The following MUC12 variants were observed in gnomAD, a reference collection of about 807,000 sequenced individuals.
The protein encoded by MUC12 is mucin-12.
Under a neutral mutation model 230.8 loss-of-function variants are expected in MUC12, and 172 were observed. That is an observed-to-expected ratio of 0.75 (90% confidence interval 0.66 to 0.85). MUC12 has a LOEUF of 0.85. Ranked by LOEUF, MUC12 falls within the 40% of genes least tolerant of loss-of-function variation. The pLI, the probability that MUC12 is intolerant of heterozygous loss-of-function variation, is 0.00. For missense variants in MUC12, 3,506 were observed against 5,920.6 expected, an observed-to-expected ratio of 0.59 and a Z score of 13.38; for synonymous variants, 1,259 against 2,401.9, an observed-to-expected ratio of 0.52 and a Z score of 13.91.
chr7:101,015,572 C>A, intron 9 of MUC12, 43 bp from the exon 10 acceptor site: 1 of 1,520,958 alleles, frequency 6.6e-7, no homozygotes, highest in South Asian at 1.2e-5. Context: ...AGTCCCTCCT[C>A]AGCCTCCTTG....
chr7:100,979,509 CG>C (rs2116273105), intron 1 of MUC12, among the ~76,000 whole-genome samples: 1 of 152,094 alleles, frequency 6.6e-6, no homozygotes, highest in East Asian at 1.9e-4. Flanking sequence ...AGGCAGGGCA[CG>C]GTGGCTCATG....
chr7:100,987,884 T>C (rs1793217870), intron 1 of MUC12, among the ~76,000 whole-genome samples: 2 of 149,934 alleles, frequency 1.3e-5, no homozygotes, highest in South Asian at 4.2e-4. Context: ...GGCAGGAGAA[T>C]CACTTGAACT....
In MUC12 at chr7:100,991,598, A is replaced by G. The variant is rs61745828; in HGVS notation, c.1035A>G (p.Pro345=). ...CAGTTGCAACTGCAACAACACCCCC[A>G]CCTGCCCGCTCCGCGACCTCAGGCC... ...SSPVATATTP[P]PARSATSGHV... The change falls in exon 2 of 12, where the codon CCA becomes CCG. Residue 345 remains proline, a synonymous_variant. Coordinates refer to ENST00000536621, the MANE Select transcript of MUC12 (RefSeq NM_001164462.2). 1,639 of 1,500,510 alleles carry G rather than the reference A, an allele frequency of 1.1e-3. 9 individuals are homozygous for G. Among genetic ancestry groups the G allele is most frequent in the Admixed American group, 3.9e-3 (190 of 48,982 alleles). 92.9% of individuals were successfully genotyped at this position (1,500,510 alleles called of 1,614,324 possible).
At chr7:101,010,277 C>T (rs1793820941) in intron 5 of MUC12, among the ~76,000 whole-genome samples, 1 of 152,002 alleles carries the variant, frequency 6.6e-6, no homozygotes, top group African/African-American at 2.4e-5. Flanking sequence ...TTTCAAGTGC[C>T]CAGGGCCCAG....
chr7:101,012,232 C>T lies in MUC12; in HGVS notation c.15252-64C>T, dbSNP rs187702026. ...TCATCTCCCATTACCACTCTGGGTG[C>T]TTGGGCTCCACTTGCTGGCTGGGTG... On this transcript the variant is annotated intron_variant, in intron 5 of 11. Transcript: ENST00000536621. 6.8e-4 allele frequency: 1,034 copies of T among 1,515,174 alleles called. 10 individuals are homozygous for T. In the South Asian group the frequency reaches 8.3e-3, roughly 12 times the overall value. The allele number at this position is 1,515,174 out of a possible 1,614,324, so 93.9% of individuals were successfully genotyped here.
chr7:100,992,128 C>A lies in MUC12; in HGVS notation c.1565C>A (p.Thr522Asn), dbSNP rs371055512. 69 of 1,537,418 alleles carry A rather than the reference C, an allele frequency of 4.5e-5. No homozygotes were observed. In the African/African-American group the frequency reaches 8.7e-4, roughly 19 times the overall value. ...MTSSGVSEES[T>N]TSHSRPGSTH... ...AGCTCAGGCGTCAGTGAAGAATCCA[C>A]CACCTCCCACAGCCGACCAGGCTCA... Residue 522 changes from threonine to asparagine, a missense_variant, in exon 2 of 12, where the codon ACC (threonine) becomes AAC (asparagine). By Grantham distance (65) the Thr-to-Asn change is moderately conservative. Coordinates refer to ENST00000536621, the MANE Select transcript of MUC12 (RefSeq NM_001164462.2).
rs761584987 is a variant in MUC12 at position 100,992,188 on chromosome 7, T to C, written c.1625T>C (p.Met542Thr). The change falls in exon 2 of 12, where the codon ATG becomes ACG. Residue 542 changes from methionine to threonine, a missense_variant. Coordinates refer to ENST00000536621, the MANE Select transcript of MUC12 (RefSeq NM_001164462.2). Reference protein sequence around the residue: ...HTTAFPGSTTMPGLSQESTAS... With the variant: ...HTTAFPGSTTTPGLSQESTAS... ...ACAGCATTCCCTGGCAGTACCACCA[T>C]GCCAGGCCTCAGTCAGGAATCTACA... is the stretch of plus-strand genomic sequence containing the variant. The C allele has an allele frequency of 1.9e-5, 29 of 1,537,596 alleles. No individual in the cohort carries two copies. Among genetic ancestry groups the C allele is most frequent in the East Asian group, 2.4e-5 (1 of 40,930 alleles).
intron 3 of MUC12, 145 bp from the exon 4 acceptor site, chr7:101,008,489 G>A: frequency 8.7e-7 from 1 of 1,151,960 alleles, no homozygotes; most frequent in Non-Finnish European, 1.2e-6. Flanking sequence ...GGCTCCTCAG[G>A]GTTTTGGGAG....
intron 1 of MUC12, among the ~76,000 whole-genome samples, chr7:100,986,640 T>G (rs1419549701): frequency 6.6e-6 from 1 of 152,204 alleles, no homozygotes; most frequent in Non-Finnish European, 1.5e-5. Context: ...TGACTGTGTG[T>G]CTTTTTCATG....
chr7:100,984,761 A>G (rs1308944588), intron 1 of MUC12, among the ~76,000 whole-genome samples: 1 of 152,196 alleles, frequency 6.6e-6, no homozygotes, highest in African/African-American at 2.4e-5. Context: ...TGAGCTGATT[A>G]TGATACAGGG....
intron 1 of MUC12, among the ~76,000 whole-genome samples, chr7:100,987,045 A>G (rs1181937407): frequency 6.8e-6 from 1 of 147,108 alleles, no homozygotes; most frequent in African/African-American, 2.5e-5. Flanking sequence ...CCTCCAGTCC[A>G]GGGCCAAGAT....
chr7:101,009,957 T>C lies in MUC12; in HGVS notation c.15251+798T>C, dbSNP rs552342591. ...TAGACCCATGAGGGATAGTGTCTGG[T>C]CTGCAGAGTAGATAGCTCAGTCTGG... On this transcript the variant is annotated intron_variant, in intron 5 of 11. Coordinates refer to ENST00000536621, the MANE Select transcript of MUC12 (RefSeq NM_001164462.2). 1.5e-3 allele frequency among the ~76,000 whole-genome samples: 227 copies of C among 152,348 alleles called. 3 individuals carry two copies. The South Asian group carries it at 0.023, about 15-fold the overall frequency.
rs531070523 is a variant in MUC12, at chr7:100,987,399, T to C, written c.68-3232T>C. ...TGATTTTTTTTACAGTTGTAGCCCT[T>C]TGAGTGGGCCTGAACCAGGGTGCAG... On this transcript the variant is annotated intron_variant, in intron 1 of 11. Transcript: ENST00000536621. Among the ~76,000 whole-genome samples, 31 of 152,124 alleles carry C rather than the reference T, an allele frequency of 2.0e-4. 1 individual carries two copies. In the South Asian group the frequency reaches 6.4e-3, roughly 32 times the overall value.
In MUC12 at chr7:100,987,060, G is replaced by GTTTTTT. The variant is rs1176844989; in HGVS notation, c.68-3552_68-3547dup. On this transcript the variant is annotated intron_variant, in intron 1 of 11. Transcript: ENST00000536621. ...CCTCCAGTCCAGGGCCAAGATAATG[G>GTTTTTT]TTTTTTTTTTTTTTTTTTTTTTTTG... is the stretch of plus-strand genomic sequence containing the variant. 4.5e-3 allele frequency among the ~76,000 whole-genome samples: 415 copies of GTTTTTT among 91,324 alleles called. 25 individuals are homozygous for GTTTTTT. Among genetic ancestry groups the GTTTTTT allele is most frequent in the African/African-American group, 0.017 (375 of 22,482 alleles). 59.9% of individuals were successfully genotyped at this position (91,324 alleles called of 152,430 possible).
At position 100,991,225 on chromosome 7, in the gene MUC12, C is replaced by A. The variant is rs1562781732; in HGVS notation, c.662C>A (p.Ser221Tyr). ...ACACCATCATCCCTTGGTCCAGAAT[C>A]TACTACCTTCCACAGCAGCCCAGGC... ...TTTPSSLGPE[S>Y]TTFHSSPGYT... Residue 221 changes from serine to tyrosine, a missense_variant, in exon 2 of 12, where the codon TCT (serine) becomes TAT (tyrosine). Physicochemically the swap from Ser to Tyr is moderately radical, Grantham distance 144 (BLOSUM62 -2). Transcript: ENST00000536621. 6.5e-7 allele frequency: 1 copy of A among 1,537,748 alleles called. No homozygotes were observed. The highest frequency in any genetic ancestry group is 1.2e-5 in the South Asian group (1 of 84,046).
intron 9 of MUC12, among the ~76,000 whole-genome samples, chr7:101,014,890 C>T (rs1364500027): frequency 6.6e-6 from 1 of 152,112 alleles, no homozygotes. Flanking sequence ...TCAAGCAGTC[C>T]TCTCACCTCA....
intron 11 of MUC12, 127 bp from the exon 12 acceptor site, chr7:101,018,468 C>T: frequency 1.5e-6 from 1 of 660,206 alleles, no homozygotes; most frequent in Non-Finnish European, 2.5e-6. Context: ...GGACTCCCTC[C>T]CTCCCCCTGG....
rs186273734 is a variant in MUC12, at chr7:100,991,266, C to T, written c.703C>T (p.Arg235Cys). ...HSSPGYTKTTRLPDNTTTSGL... is the reference protein window; with the variant it reads ...HSSPGYTKTTCLPDNTTTSGL... The stretch of plus-strand genomic sequence containing the variant: ...CAGCCCAGGCTACACTAAAACAACA[C>T]GCTTACCTGACAACACCACAACCTC... The change falls in exon 2 of 12, where the codon CGC (arginine) becomes TGC (cysteine). Residue 235 changes from arginine (R) to cysteine (C), a missense_variant. By Grantham distance (180) the Arg-to-Cys change is radical. Transcript: ENST00000536621. 269 of 1,537,672 alleles carry T rather than the reference C, an allele frequency of 1.7e-4. No individual in the cohort carries two copies. Among genetic ancestry groups the T allele is most frequent in the Middle Eastern group, 3.3e-4 (2 of 5,996 alleles).
intron 11 of MUC12, 85 bp from the exon 12 acceptor site, chr7:101,018,510 C>T: frequency 3.0e-6 from 4 of 1,339,590 alleles, no homozygotes; most frequent in Non-Finnish European, 4.1e-6. Flanking sequence ...GTTCCCTCCT[C>T]CCCGCCAGGG....
Sources: gnomAD v4.1 joint callset for allele counts (sites outside exome capture counted in the v4.1 genomes callset) on GRCh38, gnomAD v4.1.1 for gene constraint, MANE v1.5 for transcripts, NCBI Gene and HGNC (gene_info 2026-07-23, HGNC 2026-07-21) for gene names.